Variants in SLC38A1 observed in about 807,000 individuals in gnomAD.
SLC38A1 encodes solute carrier family 38 member 1.
SLC38A1 carries 18 observed loss-of-function variants against 60.3 expected under a neutral mutation model. The ratio of observed to expected loss-of-function variants is 0.30; its 90% CI spans 0.21 to 0.44. SLC38A1 has a LOEUF of 0.44. SLC38A1 is among the 20% of genes least tolerant of loss of function. The pLI is 1.00. For synonymous variants in SLC38A1, 196 were observed against 212.1 expected, an observed-to-expected ratio of 0.92 and a Z score of 0.66; for missense variants, 448 against 587.2, an observed-to-expected ratio of 0.76 and a Z score of 2.45.
intron 5 of SLC38A1, among the ~76,000 whole-genome samples, chr12:46,219,368 A>C (rs1196574699): frequency 6.6e-6 from 1 of 152,204 alleles, no homozygotes; most frequent in Non-Finnish European, 1.5e-5. Flanking sequence ...TGTTATAAAG[A>C]TCTCATGGAA....
At chr12:46,241,008 G>C (rs1355929388) in intron 2 of SLC38A1, among the ~76,000 whole-genome samples, 2 of 152,108 alleles carry the variant, frequency 1.3e-5, no homozygotes, top group Non-Finnish European at 2.9e-5. Flanking sequence ...CCCTGAATGT[G>C]CCCAATCTTG....
intron 1 of SLC38A1, among the ~76,000 whole-genome samples, chr12:46,245,997 C>A (rs776591674): frequency 9.9e-5 from 15 of 152,164 alleles, no homozygotes; most frequent in Non-Finnish European, 1.8e-4. Flanking sequence ...AGAAGAGGAT[C>A]TTTTAAAAAA....
At chr12:46,202,981 T>C (rs1402219761) in intron 12 of SLC38A1, 29 bp downstream of exon 12, 2 of 1,570,210 alleles carry the variant, frequency 1.3e-6, no homozygotes, top group South Asian at 2.2e-5. Flanking sequence ...GTAAAACGAT[T>C]AAGATAAAAA....
At chr12:46,258,710 G>C (rs1942107475) in intron 1 of SLC38A1, among the ~76,000 whole-genome samples, 1 of 152,154 alleles carries the variant, frequency 6.6e-6, no homozygotes. Context: ...CTGGAGTGTA[G>C]TGATGAGATC....
chr12:46,212,063 T>C (rs938691284), intron 5 of SLC38A1, among the ~76,000 whole-genome samples: 2 of 152,216 alleles, frequency 1.3e-5, no homozygotes, highest in Admixed American at 6.5e-5. Flanking sequence ...TGTTGTCTAA[T>C]TGACTCTAAT....
At chr12:46,200,368 T>TAC (rs1466773570) in intron 13 of SLC38A1, among the ~76,000 whole-genome samples, 1 of 151,776 alleles carries the variant, frequency 6.6e-6, no homozygotes, top group Non-Finnish European at 1.5e-5. Context: ...GTGAAATACA[T>TAC]ACATATATAT....
At chr12:46,196,229 T>A (rs1324006890) in intron 16 of SLC38A1, 2 of 1,535,924 alleles carry the variant, frequency 1.3e-6, no homozygotes, top group Non-Finnish European at 8.7e-7. Flanking sequence ...GGATGATGCA[T>A]TCTGAGAGCC....
At chr12:46,261,551 C>G (rs1281613489) in intron 1 of SLC38A1, among the ~76,000 whole-genome samples, 1 of 152,202 alleles carries the variant, frequency 6.6e-6, no homozygotes, top group Non-Finnish European at 1.5e-5. Context: ...GCATCACAAA[C>G]ACCATCTTCC....
intron 5 of SLC38A1, among the ~76,000 whole-genome samples, chr12:46,213,336 T>C (rs1003864559): frequency 1.3e-5 from 2 of 152,236 alleles, no homozygotes; most frequent in Non-Finnish European, 2.9e-5. Context: ...TTTTTGTCTG[T>C]TTCTGAAGCT....
In SLC38A1 at chr12:46,207,150, CTT is replaced by C. The variant is rs761562758; in HGVS notation, c.563+3_563+4del. 6.3e-7 allele frequency: 1 copy of C among 1,594,958 alleles called. No homozygotes were observed. Among genetic ancestry groups the C allele is most frequent in the Non-Finnish European group, 8.6e-7 (1 of 1,167,864 alleles). On this transcript the variant is annotated splice_donor_region_variant and intron_variant, in intron 8 of 16. Coordinates refer to ENST00000398637, the MANE Select transcript of SLC38A1 (RefSeq NM_030674.4). ...TATATCATAAAAAAATGGTCTATAA[CTT>C]ACGAAAATGTCTCTTCCTTTCCCAT...
chr12:46,218,307 T>A (rs1292780151), intron 5 of SLC38A1, among the ~76,000 whole-genome samples: 2 of 152,042 alleles, frequency 1.3e-5, no homozygotes, highest in Non-Finnish European at 2.9e-5. Context: ...AGATCCCTAC[T>A]CTTTATCATA....
intron 5 of SLC38A1, among the ~76,000 whole-genome samples, chr12:46,212,733 G>A (rs943412709): frequency 6.6e-6 from 1 of 152,164 alleles, no homozygotes; most frequent in Non-Finnish European, 1.5e-5. Flanking sequence ...GTCCAGCACA[G>A]CATGTTTACC....
chr12:46,253,507 AG>A (rs1941927596), intron 1 of SLC38A1, among the ~76,000 whole-genome samples: 1 of 152,122 alleles, frequency 6.6e-6, no homozygotes, highest in Non-Finnish European at 1.5e-5. Context: ...CACTGGTGAG[AG>A]TGTAGCAGTG....
chr12:46,266,494 A>G (rs1233719599), intron 1 of SLC38A1, among the ~76,000 whole-genome samples: 1 of 151,642 alleles, frequency 6.6e-6, no homozygotes, highest in Non-Finnish European at 1.5e-5. Context: ...TCCCTCAATT[A>G]TGGAAATAGC....
intron 2 of SLC38A1, among the ~76,000 whole-genome samples, chr12:46,242,238 T>C (rs1175449343): frequency 6.6e-6 from 1 of 152,160 alleles, no homozygotes; most frequent in Non-Finnish European, 1.5e-5. Context: ...CTCTGAAACC[T>C]AACTTGTTCT....
chr12:46,200,477 G>T (rs1939606862), intron 13 of SLC38A1, among the ~76,000 whole-genome samples: 1 of 151,776 alleles, frequency 6.6e-6, no homozygotes, highest in Admixed American at 6.6e-5. Context: ...GATAATGAAA[G>T]ATATTAAATC....
intron 5 of SLC38A1, among the ~76,000 whole-genome samples, chr12:46,216,613 G>A (rs1401656755): frequency 6.6e-6 from 1 of 152,216 alleles, no homozygotes; most frequent in Non-Finnish European, 1.5e-5. Context: ...CACTTTGGGA[G>A]GCAGAGGTGG....
chr12:46,237,875 G>A (rs1045694004), intron 3 of SLC38A1, among the ~76,000 whole-genome samples: 1 of 151,702 alleles, frequency 6.6e-6, no homozygotes, highest in Non-Finnish European at 1.5e-5. Context: ...GGTCAGCAGG[G>A]ACTACTGAAC....
chr12:46,267,124 T>A (rs1942376039), intron 1 of SLC38A1: 1 of 152,248 alleles, frequency 6.6e-6, no homozygotes, highest in South Asian at 2.1e-4. Context: ...GGGCCCTGCA[T>A]TCTGCAAACC....
Sources: gnomAD v4.1 joint callset for allele counts (sites outside exome capture counted in the v4.1 genomes callset) on GRCh38, gnomAD v4.1.1 for gene constraint, MANE v1.5 for transcripts, NCBI Gene and HGNC (gene_info 2026-07-23, HGNC 2026-07-21) for gene names.